LTBP1: variants seen among roughly 807,000 people sequenced by gnomAD.
LTBP1 encodes latent transforming growth factor beta binding protein 1, also known as latent-transforming growth factor beta-binding protein 1.
A neutral mutation model predicts 207.6 loss-of-function variants in LTBP1; 129 were observed. That is an observed-to-expected ratio of 0.62 (90% CI 0.54 to 0.72). The LOEUF is 0.72. Among genes scored for constraint, LTBP1 ranks in the 30% least tolerant of loss-of-function variants. LTBP1 has a pLI of 0.00. For missense variants in LTBP1, 2,281 were observed against 2,217.2 expected (o/e 1.03, Z -0.58); for synonymous variants, 963 against 833.7 (o/e 1.16, Z -2.67).
chr2:33,345,603 A>G (rs1228674349), intron 25 of LTBP1, among the ~76,000 whole-genome samples: 3 of 152,208 alleles, frequency 2.0e-5, no homozygotes, highest in African/African-American at 7.2e-5. Flanking sequence ...GCTTTATGTT[A>G]TGGTATTTTT....
At chr2:33,212,126 G>T (rs1388373645) in intron 7 of LTBP1, among the ~76,000 whole-genome samples, 1 of 152,168 alleles carries the variant, frequency 6.6e-6, no homozygotes, top group East Asian at 1.9e-4. Flanking sequence ...TGGAATAATT[G>T]TAATGATTCT....
intron 7 of LTBP1, among the ~76,000 whole-genome samples, chr2:33,211,510 G>T (rs560428383): frequency 6.6e-6 from 1 of 152,174 alleles, no homozygotes; most frequent in African/African-American, 2.4e-5. Flanking sequence ...GCTCAGAGAG[G>T]TTGGATGATT....
At chr2:33,284,448 T>C (rs1475687962) in intron 19 of LTBP1, among the ~76,000 whole-genome samples, 1 of 152,234 alleles carries the variant, frequency 6.6e-6, no homozygotes, top group South Asian at 2.1e-4. Flanking sequence ...TTCATTCTTC[T>C]CTAGAGAGTC....
intron 2 of LTBP1, among the ~76,000 whole-genome samples, chr2:33,018,854 G>C (rs1029420753): frequency 1.3e-5 from 2 of 151,362 alleles, no homozygotes; most frequent in African/African-American, 4.9e-5. Context: ...AGGTCACCTA[G>C]GGAGCTGGCT....
intron 9 of LTBP1, among the ~76,000 whole-genome samples, chr2:33,231,439 G>A (rs948630190): frequency 6.6e-6 from 1 of 152,090 alleles, no homozygotes. Context: ...TGTTTTCAGG[G>A]GGCATATCTG....
chr2:33,098,740 A>C (rs2079540674), intron 3 of LTBP1, among the ~76,000 whole-genome samples: 1 of 152,140 alleles, frequency 6.6e-6, no homozygotes, highest in Admixed American at 6.6e-5. Context: ...CGCCTGGCCC[A>C]CAAATGATTT....
chr2:32,954,542 C>T (rs542368309), intron 2 of LTBP1, among the ~76,000 whole-genome samples: 1 of 108,602 alleles, frequency 9.2e-6, no homozygotes, highest in South Asian at 3.1e-4. Flanking sequence ...AGGGCCTCCA[C>T]TCCCCGCCCC....
At chr2:32,980,558 A>G (rs1412611247) in intron 2 of LTBP1, among the ~76,000 whole-genome samples, 1 of 152,100 alleles carries the variant, frequency 6.6e-6, no homozygotes. Context: ...GTATTTCTTG[A>G]AAAGTTGTAG....
intron 2 of LTBP1, among the ~76,000 whole-genome samples, chr2:32,972,650 C>T (rs1384923883): frequency 1.3e-5 from 2 of 152,098 alleles, no homozygotes; most frequent in Admixed American, 1.3e-4. Flanking sequence ...GAGGGAGGGA[C>T]CTGGTGGGAG....
chr2:33,082,595 T>C (rs1411924026), intron 3 of LTBP1, among the ~76,000 whole-genome samples: 1 of 151,726 alleles, frequency 6.6e-6, no homozygotes, highest in Non-Finnish European at 1.5e-5. Context: ...TGGCTAATTG[T>C]TTTATATTTT....
intron 10 of LTBP1, among the ~76,000 whole-genome samples, chr2:33,247,968 C>G (rs1247851038): frequency 6.6e-6 from 1 of 152,224 alleles, no homozygotes. Flanking sequence ...GGCTGGGAGC[C>G]TGTGTCATCT....
chr2:33,190,352 A>G (rs775145591), intron 7 of LTBP1, among the ~76,000 whole-genome samples: 16 of 151,524 alleles, frequency 1.1e-4, no homozygotes, highest in Admixed American at 3.9e-4. Context: ...GTGTGTGTGT[A>G]TATGCGCATG....
chr2:32,970,738 G>A (rs926511588), intron 2 of LTBP1, among the ~76,000 whole-genome samples: 1 of 145,324 alleles, frequency 6.9e-6, no homozygotes, highest in African/African-American at 2.5e-5. Context: ...TTGGTTGTTT[G>A]GGCTCTTTTT....
chr2:33,334,053 A>G (rs896266328), intron 24 of LTBP1, among the ~76,000 whole-genome samples: 1 of 152,224 alleles, frequency 6.6e-6, no homozygotes, highest in Admixed American at 6.5e-5. Context: ...TGAGAGCTCT[A>G]CTAAGAGGAC....
At chr2:33,297,222 G>A (rs937209825) in intron 20 of LTBP1, among the ~76,000 whole-genome samples, 12 of 151,960 alleles carry the variant, frequency 7.9e-5, no homozygotes, top group Admixed American at 2.0e-4. Context: ...TTCTAATGGC[G>A]TCTTCCCATT....
intron 15 of LTBP1, 56 bp downstream of exon 15, chr2:33,263,448 T>C: frequency 7.9e-7 from 1 of 1,262,512 alleles, no homozygotes; most frequent in Non-Finnish European, 1.2e-6. Flanking sequence ...GGGCTGAGCT[T>C]CATTTTAAAT....
At chr2:33,194,951 C>A (rs2088376336) in intron 7 of LTBP1, among the ~76,000 whole-genome samples, 2 of 152,210 alleles carry the variant, frequency 1.3e-5, no homozygotes, top group Non-Finnish European at 2.9e-5. Flanking sequence ...TAAATGTACT[C>A]TGCCTGTGCT....
At chr2:33,170,766 G>T (rs2085360470) in intron 5 of LTBP1, among the ~76,000 whole-genome samples, 1 of 152,082 alleles carries the variant, frequency 6.6e-6, no homozygotes, top group East Asian at 1.9e-4. Flanking sequence ...CCCCCCAGTA[G>T]GGGCAGACTG....
intron 2 of LTBP1, among the ~76,000 whole-genome samples, chr2:33,010,017 G>T (rs188776804): frequency 6.6e-6 from 1 of 152,284 alleles, no homozygotes; most frequent in East Asian, 1.9e-4. Flanking sequence ...CATTTGGAGG[G>T]TGGGGAGAGA....
Sources: gnomAD v4.1 joint callset for allele counts (sites outside exome capture counted in the v4.1 genomes callset) on GRCh38, gnomAD v4.1.1 for gene constraint, MANE v1.5 for transcripts, NCBI Gene and HGNC (gene_info 2026-07-23, HGNC 2026-07-21) for gene names.